Variants in BMPR1B observed in about 807,000 individuals in gnomAD.
The protein encoded by BMPR1B is bone morphogenetic protein receptor type-1B.
BMPR1B carries 12 observed loss-of-function variants against 59.1 expected under a neutral mutation model. The ratio of observed to expected loss-of-function variants is 0.20; its 90% CI spans 0.13 to 0.33. BMPR1B has a LOEUF of 0.33. Ranked by LOEUF, BMPR1B falls within the 10% of genes least tolerant of loss-of-function variation. The pLI is 1.00. For missense variants in BMPR1B, 550 were observed against 610.9 expected (o/e 0.90, Z 1.05); for synonymous variants, 237 against 207.3 (o/e 1.14, Z -1.23).
chr4:94,915,549 A>C (rs1353600868), intron 2 of BMPR1B, among the ~76,000 whole-genome samples: 3 of 152,200 alleles, frequency 2.0e-5, no homozygotes, highest in Non-Finnish European at 4.4e-5. Context: ...CAGATGTTTC[A>C]TCTTTTCTGT....
chr4:95,058,476 A>T (rs554894976), intron 3 of BMPR1B, among the ~76,000 whole-genome samples: 6 of 152,292 alleles, frequency 3.9e-5, no homozygotes, highest in African/African-American at 1.2e-4. Flanking sequence ...TACACTACTT[A>T]AAAAAATCAA....
chr4:94,942,134 T>G (rs1348833317), intron 2 of BMPR1B, among the ~76,000 whole-genome samples: 1 of 152,252 alleles, frequency 6.6e-6, no homozygotes, highest in Non-Finnish European at 1.5e-5. Context: ...AAGTGGGATT[T>G]TCCTTTAACC....
chr4:95,109,848 T>C (rs1308309728), intron 4 of BMPR1B, among the ~76,000 whole-genome samples: 2 of 147,332 alleles, frequency 1.4e-5, no homozygotes, highest in Non-Finnish European at 3.0e-5. Flanking sequence ...CTCCTAATGC[T>C]ATCCCTCCCC....
intron 3 of BMPR1B, among the ~76,000 whole-genome samples, chr4:95,008,282 A>G (rs1722990049): frequency 6.6e-6 from 1 of 152,136 alleles, no homozygotes; most frequent in South Asian, 2.1e-4. Flanking sequence ...AGTGGAGTGA[A>G]TTTGTCACCT....
chr4:94,834,138 T>C (rs1724706757), intron 1 of BMPR1B, among the ~76,000 whole-genome samples: 1 of 152,204 alleles, frequency 6.6e-6, no homozygotes. Context: ...TTACATATTG[T>C]TGGCTTGAGC....
chr4:94,877,148 A>C (rs1480223940), intron 2 of BMPR1B, among the ~76,000 whole-genome samples: 1 of 152,184 alleles, frequency 6.6e-6, no homozygotes, highest in Non-Finnish European at 1.5e-5. Context: ...ATAAAAACTC[A>C]CATTGATTCA....
chr4:95,041,101 C>T (rs962522171), intron 3 of BMPR1B, among the ~76,000 whole-genome samples: 1 of 152,198 alleles, frequency 6.6e-6, no homozygotes, highest in Non-Finnish European at 1.5e-5. Context: ...ATTTGATGTA[C>T]ATTGGCACGA....
intron 1 of BMPR1B, among the ~76,000 whole-genome samples, chr4:94,811,319 T>C (rs927317710): frequency 2.6e-5 from 4 of 152,176 alleles, no homozygotes; most frequent in African/African-American, 7.2e-5. Context: ...TGAAACCTAC[T>C]GAAGGCAAAG....
At chr4:95,042,595 A>C (rs1445599425) in intron 3 of BMPR1B, among the ~76,000 whole-genome samples, 6 of 152,220 alleles carry the variant, frequency 3.9e-5, no homozygotes, top group Admixed American at 3.9e-4. Context: ...TCTGGCCCCA[A>C]GCATTTTAAA....
At chr4:94,948,899 C>G (rs918910021) in intron 2 of BMPR1B, among the ~76,000 whole-genome samples, 1 of 152,156 alleles carries the variant, frequency 6.6e-6, no homozygotes, top group Non-Finnish European at 1.5e-5. Context: ...GTGTTGCTTT[C>G]TAGCTAGTAG....
At chr4:94,913,385 A>T (rs147278721) in intron 2 of BMPR1B, among the ~76,000 whole-genome samples, 131 of 152,260 alleles carry the variant, frequency 8.6e-4, no homozygotes, top group African/African-American at 2.8e-3. Context: ...TAGTTTTTTG[A>T]TTTTGAAAAA....
chr4:94,971,852 A>G (rs1429082550), intron 2 of BMPR1B, among the ~76,000 whole-genome samples: 4 of 151,820 alleles, frequency 2.6e-5, no homozygotes, highest in Non-Finnish European at 5.9e-5. Context: ...CTCTCCTTAA[A>G]TTTTTCATGT....
chr4:95,001,968 T>C (rs373537709), intron 3 of BMPR1B, among the ~76,000 whole-genome samples: 51 of 152,286 alleles, frequency 3.3e-4, no homozygotes, highest in African/African-American at 1.1e-3. Flanking sequence ...TTTTTATTGT[T>C]GTTGTTGTTT....
At chr4:95,088,861 G>A (rs1294861515) in intron 3 of BMPR1B, among the ~76,000 whole-genome samples, 1 of 152,098 alleles carries the variant, frequency 6.6e-6, no homozygotes, top group African/African-American at 2.4e-5. Flanking sequence ...AAACTGACAA[G>A]TTTTGCCACC....
intron 2 of BMPR1B, among the ~76,000 whole-genome samples, chr4:94,894,462 A>G (rs1030676064): frequency 6.1e-5 from 8 of 130,648 alleles, no homozygotes; most frequent in Non-Finnish European, 1.0e-4. Flanking sequence ...GAGAGAGAGA[A>G]AGCGAGAAAT....
chr4:94,908,866 A>G, intron 2 of BMPR1B, among the ~76,000 whole-genome samples: 1 of 152,042 alleles, frequency 6.6e-6, no homozygotes, highest in East Asian at 1.9e-4. Context: ...ACTCTGTGTC[A>G]CTGTCCTAGG....
chr4:94,901,407 C>T (rs1482742038), intron 2 of BMPR1B, among the ~76,000 whole-genome samples: 1 of 151,808 alleles, frequency 6.6e-6, no homozygotes, highest in African/African-American at 2.4e-5. Context: ...AGAAGGAGTG[C>T]CTAAAATATT....
chr4:95,140,518 T>C (rs1358517574), intron 10 of BMPR1B, among the ~76,000 whole-genome samples: 1 of 152,164 alleles, frequency 6.6e-6, no homozygotes, highest in African/African-American at 2.4e-5. Flanking sequence ...TGATTTTCCA[T>C]GTATCTTAAT....
Position 94,808,782 on chromosome 4 carries a change from C to T in BMPR1B, c.-183+50714C>T, listed in dbSNP as rs187677439. ...AATTAAAAAAGTTTTACAGGCTGGG[C>T]GCAGTGGCTCACAGCTGTAATCCCA... On this transcript the variant is annotated intron_variant, in intron 1 of 12. Transcript: ENST00000515059. 3.5e-4 allele frequency among the ~76,000 whole-genome samples: 53 copies of T among 152,232 alleles called. No homozygotes were observed. In the East Asian group the frequency reaches 8.7e-3, roughly 25 times the overall value.
Sources: allele counts gnomAD v4.1 joint callset (sites outside exome capture counted in the v4.1 genomes callset), GRCh38; gene constraint gnomAD v4.1.1; transcripts MANE v1.5; gene names NCBI Gene and HGNC (gene_info 2026-07-23, HGNC 2026-07-21).